UPP2: variants seen among roughly 807,000 people sequenced by gnomAD.
The protein encoded by UPP2 is uridine phosphorylase 2.
UPP2 carries 23 observed loss-of-function variants against 26.7 expected under a neutral mutation model. The ratio of observed to expected loss-of-function variants is 0.86; its 90% CI spans 0.62 to 1.22. UPP2 has a LOEUF of 1.22. UPP2 is among the 50% of genes most tolerant of loss of function. The probability of loss-of-function intolerance (pLI) is 0.00; values close to 1 mark genes in which losing one functional copy is unlikely to be tolerated. For missense variants in UPP2, 387 were observed against 396.7 expected (o/e 0.98, Z 0.21); for synonymous variants, 127 against 141.3 (o/e 0.90, Z 0.72).
chr2:158,050,991 T>G (rs543280446), intron 3 of UPP2, among the ~76,000 whole-genome samples: 81 of 152,242 alleles, frequency 5.3e-4, no homozygotes, highest in African/African-American at 1.9e-3. Flanking sequence ...ATGTGACTAA[T>G]TCACAGAGCA....
intron 2 of UPP2, among the ~76,000 whole-genome samples, chr2:158,114,478 G>C (rs945209602): frequency 3.3e-5 from 5 of 152,102 alleles, no homozygotes; most frequent in African/African-American, 1.2e-4. Flanking sequence ...GGTAAAATGT[G>C]AATAAAACAA....
chr2:158,106,037 CTTT>C, intron 1 of UPP2, 59 bp from the exon 2 acceptor site: 1 of 1,287,322 alleles, frequency 7.8e-7, no homozygotes, highest in East Asian at 2.5e-5. Flanking sequence ...TTCAGACTTT[CTTT>C]CTTGTGAGCT....
At chr2:158,029,933 G>C (rs1432502376) in intron 3 of UPP2, among the ~76,000 whole-genome samples, 1 of 151,936 alleles carries the variant, frequency 6.6e-6, no homozygotes, top group Non-Finnish European at 1.5e-5. Context: ...ATTTGACACA[G>C]ATTTCGTAAT....
intron 2 of UPP2, among the ~76,000 whole-genome samples, chr2:158,110,525 G>A (rs1683296850): frequency 6.6e-6 from 1 of 152,046 alleles, no homozygotes; most frequent in African/African-American, 2.4e-5. Context: ...GGGATGGCTG[G>A]GTCAAATGAT....
At chr2:158,066,854 T>C (rs1682444063) in intron 3 of UPP2, among the ~76,000 whole-genome samples, 2 of 152,200 alleles carry the variant, frequency 1.3e-5, no homozygotes, top group Admixed American at 1.3e-4. Context: ...GGGCTATTCA[T>C]TATTTTTAGC....
At chr2:158,129,982 G>A (rs561906624) in intron 6 of UPP2, among the ~76,000 whole-genome samples, 1 of 152,090 alleles carries the variant, frequency 6.6e-6, no homozygotes, top group African/African-American at 2.4e-5. Flanking sequence ...CAAAGTCGAG[G>A]TCTCACTTTG....
chr2:158,121,980 T>G (rs941551261), intron 5 of UPP2, among the ~76,000 whole-genome samples: 7 of 151,972 alleles, frequency 4.6e-5, no homozygotes, highest in Admixed American at 4.6e-4. Flanking sequence ...TCAAAAATGA[T>G]CCTGTCCCCC....
chr2:158,022,772 T>C (rs1683772821), intron 3 of UPP2, among the ~76,000 whole-genome samples: 1 of 152,180 alleles, frequency 6.6e-6, no homozygotes, highest in African/African-American at 2.4e-5. Context: ...ATAGTCAGCT[T>C]GCATCTTCTT....
At chr2:158,068,597 C>T (rs1308106837) in intron 3 of UPP2, among the ~76,000 whole-genome samples, 1 of 151,204 alleles carries the variant, frequency 6.6e-6, no homozygotes, top group Non-Finnish European at 1.5e-5. Flanking sequence ...GCTGTTTCCT[C>T]ACCTGTAAAA....
chr2:158,016,221 T>C (rs1683656421), intron 3 of UPP2, among the ~76,000 whole-genome samples: 2 of 152,190 alleles, frequency 1.3e-5, no homozygotes, highest in Middle Eastern at 3.4e-3. Context: ...ATTAAGACTG[T>C]CTTTTAGTGC....
chr2:158,043,851 G>A (rs1184733246), intron 3 of UPP2, among the ~76,000 whole-genome samples: 1 of 152,210 alleles, frequency 6.6e-6, no homozygotes, highest in Admixed American at 6.5e-5. Flanking sequence ...ATATCATGGT[G>A]TGAATTTTAG....
chr2:158,030,421 T>A (rs1683905707), intron 3 of UPP2, among the ~76,000 whole-genome samples: 1 of 152,206 alleles, frequency 6.6e-6, no homozygotes, highest in South Asian at 2.1e-4. Flanking sequence ...TTATGGGAAA[T>A]CACTTTGTAT....
rs540667562 is a variant in UPP2 at position 158,028,722 on chromosome 2, T to C, written c.147+12836T>C. Among the ~76,000 whole-genome samples, 13 of 152,348 alleles carry C rather than the reference T, an allele frequency of 8.5e-5. No homozygotes were observed. The South Asian group carries it at 2.5e-3, about 29-fold the overall frequency. ...AAACTGGGAAGAAAAAGAGGTTTAATTGGACTTACAGTTCCACATGGCTGG... is the reference window on the plus strand; with the variant it reads ...AAACTGGGAAGAAAAAGAGGTTTAACTGGACTTACAGTTCCACATGGCTGG... On this transcript the variant is annotated intron_variant, in intron 3 of 9. Transcript: ENST00000605860.
intron 3 of UPP2, among the ~76,000 whole-genome samples, chr2:158,037,012 T>A (rs1479881267): frequency 6.6e-6 from 1 of 152,206 alleles, no homozygotes; most frequent in African/African-American, 2.4e-5. Flanking sequence ...CATTTATTTT[T>A]TGGAATCTCA....
At chr2:158,009,260 C>T (rs34892908) in intron 2 of UPP2, among the ~76,000 whole-genome samples, 9,750 of 152,208 alleles carry the variant, frequency 0.064, 408 homozygotes, top group Non-Finnish European at 0.097. Flanking sequence ...TACTTGAATA[C>T]AACAGTTTTT....
intron 3 of UPP2, among the ~76,000 whole-genome samples, chr2:158,077,762 C>CAAA (rs773884641): frequency 9.9e-5 from 15 of 151,924 alleles, no homozygotes; most frequent in Non-Finnish European, 2.1e-4. Context: ...GCAACCAAAG[C>CAAA]AAAAATGGAC....
At chr2:158,074,082 G>T (rs1682587459) in intron 3 of UPP2, among the ~76,000 whole-genome samples, 1 of 152,298 alleles carries the variant, frequency 6.6e-6, no homozygotes, top group African/African-American at 2.4e-5. Flanking sequence ...GGAAGCTGAG[G>T]AGGGAAAATC....
At chr2:158,127,820 A>C in intron 6 of UPP2, 1 of 166,518 alleles carries the variant, frequency 6.0e-6, no homozygotes, top group Non-Finnish European at 1.2e-5. Context: ...ATTCAGGTGA[A>C]GGGAAATAGT....
At chr2:158,033,722 G>A (rs1406375569) in intron 3 of UPP2, among the ~76,000 whole-genome samples, 1 of 152,192 alleles carries the variant, frequency 6.6e-6, no homozygotes, top group Non-Finnish European at 1.5e-5. Flanking sequence ...ACTTTTCCAA[G>A]TAGTTTCTGT....
Sources: gnomAD v4.1 joint callset for allele counts (sites outside exome capture counted in the v4.1 genomes callset) on GRCh38, gnomAD v4.1.1 for gene constraint, MANE v1.5 for transcripts, NCBI Gene and HGNC (gene_info 2026-07-23, HGNC 2026-07-21) for gene names.